TMEM135: variants seen among roughly 807,000 people sequenced by gnomAD.
TMEM135 encodes peroxisomal membrane protein 52.
Under a neutral mutation model 60.3 loss-of-function variants are expected in TMEM135, and 30 were observed. That is an observed-to-expected ratio of 0.50 (90% CI 0.37 to 0.68). The LOEUF is 0.68. Ranked by LOEUF, TMEM135 falls within the 30% of genes least tolerant of loss-of-function variation. The probability of loss-of-function intolerance (pLI) is 0.00; values close to 1 mark genes in which losing one functional copy is unlikely to be tolerated. For missense variants in TMEM135, 468 were observed against 548.8 expected (o/e 0.85, Z 1.47); for synonymous variants, 190 against 186.7 (o/e 1.02, Z -0.14).
intron 4 of TMEM135, among the ~76,000 whole-genome samples, chr11:87,148,079 C>T (rs542546344): frequency 6.6e-6 from 1 of 152,252 alleles, no homozygotes; most frequent in Non-Finnish European, 1.5e-5. Context: ...TAAACAAAGA[C>T]ATTGTAGACA....
intron 4 of TMEM135, among the ~76,000 whole-genome samples, chr11:87,120,585 C>T (rs1858029411): frequency 6.7e-6 from 1 of 148,514 alleles, no homozygotes. Context: ...GATTCTCCTG[C>T]CTCAGCCTCG....
chr11:87,252,806 G>GTGTGTGTGTGTA (rs1941446630), intron 6 of TMEM135, among the ~76,000 whole-genome samples: 1 of 150,468 alleles, frequency 6.6e-6, no homozygotes, highest in Non-Finnish European at 1.5e-5. Flanking sequence ...ATATGTGTGT[G>GTGTGTGTGTGTA]TGTGTGTGTG....
At chr11:87,105,046 C>T (rs190051680) in intron 4 of TMEM135, among the ~76,000 whole-genome samples, 13 of 152,218 alleles carry the variant, frequency 8.5e-5, no homozygotes, top group East Asian at 3.9e-4. Context: ...TGATGTTAGC[C>T]GTGGGCTTGT....
chr11:87,100,334 C>T (rs538745126), intron 4 of TMEM135, among the ~76,000 whole-genome samples: 1 of 152,112 alleles, frequency 6.6e-6, no homozygotes, highest in Non-Finnish European at 1.5e-5. Context: ...CTAAACAGAG[C>T]CATTTATTTA....
chr11:87,249,416 C>G (rs186435919), intron 6 of TMEM135, among the ~76,000 whole-genome samples: 1 of 151,814 alleles, frequency 6.6e-6, no homozygotes, highest in Non-Finnish European at 1.5e-5. Flanking sequence ...TTCAAAAAAA[C>G]CAACTTTTTG....
intron 9 of TMEM135, among the ~76,000 whole-genome samples, chr11:87,307,731 A>C (rs1348957233): frequency 6.6e-6 from 1 of 152,226 alleles, no homozygotes; most frequent in Admixed American, 6.5e-5. Flanking sequence ...TTAAACCATA[A>C]ACATGGTAGT....
chr11:87,131,341 A>AATCCCCTGTGCTCTACCTATTC (rs150087331), intron 4 of TMEM135, among the ~76,000 whole-genome samples: 72,308 of 151,772 alleles, frequency 0.48, 17,495 homozygotes, highest in East Asian at 0.67. Flanking sequence ...CTGCCCTGAA[A>AATCCCCTGTGCTCTACCTATTC]ATCCCTTGCA....
intron 11 of TMEM135, among the ~76,000 whole-genome samples, chr11:87,314,019 C>G (rs1315961631): frequency 6.6e-6 from 1 of 151,740 alleles, no homozygotes; most frequent in Non-Finnish European, 1.5e-5. Flanking sequence ...CTCCCCTGGC[C>G]TTGGTTTTCC....
intron 4 of TMEM135, among the ~76,000 whole-genome samples, chr11:87,115,892 T>A (rs2512495): frequency 0.51 from 76,880 of 151,860 alleles, 19,800 homozygotes; most frequent in East Asian, 0.67. Context: ...TAGTCTTAGA[T>A]ATTTATTAAA....
chr11:87,174,233 C>G (rs1466587044), intron 5 of TMEM135, among the ~76,000 whole-genome samples: 1 of 151,992 alleles, frequency 6.6e-6, no homozygotes, highest in Non-Finnish European at 1.5e-5. Flanking sequence ...GCAATAAGAC[C>G]TCTGATTTAT....
intron 3 of TMEM135, among the ~76,000 whole-genome samples, chr11:87,079,343 C>T (rs1856938781): frequency 2.0e-5 from 3 of 152,166 alleles, no homozygotes; most frequent in Admixed American, 1.3e-4. Context: ...TTAGTTCTTA[C>T]ATTTAAGTCT....
intron 4 of TMEM135, among the ~76,000 whole-genome samples, chr11:87,102,692 GTA>G (rs947250714): frequency 8.9e-5 from 8 of 90,382 alleles, no homozygotes; most frequent in African/African-American, 1.1e-4. Flanking sequence ...ATATGTGTGT[GTA>G]TATATATATG....
intron 4 of TMEM135, among the ~76,000 whole-genome samples, chr11:87,141,734 A>T (rs1938267447): frequency 6.6e-6 from 1 of 152,176 alleles, no homozygotes; most frequent in Admixed American, 6.5e-5. Flanking sequence ...TTCATTCCAT[A>T]GCAGTGTCTA....
intron 5 of TMEM135, among the ~76,000 whole-genome samples, chr11:87,193,219 C>T (rs144577776): frequency 6.6e-6 from 1 of 152,016 alleles, no homozygotes; most frequent in Non-Finnish European, 1.5e-5. Context: ...CAACAAGGTA[C>T]CTGCTCTTGA....
chr11:87,298,960 C>T (rs1477547888), intron 7 of TMEM135, among the ~76,000 whole-genome samples: 20 of 151,716 alleles, frequency 1.3e-4, no homozygotes, highest in African/African-American at 3.1e-4. Flanking sequence ...TGGTGATGGG[C>T]GCCTGTAATC....
chr11:87,109,734 C>T (rs1381821245), intron 4 of TMEM135, among the ~76,000 whole-genome samples: 1 of 152,092 alleles, frequency 6.6e-6, no homozygotes, highest in African/African-American at 2.4e-5. Flanking sequence ...ATCAAAAACC[C>T]TTCAATCATC....
Position 87,038,090 on chromosome 11 carries a change from C to T in TMEM135, c.45C>T (p.Ile15=). The change falls in exon 1 of 15, where the codon ATC becomes ATT. Residue 15 remains isoleucine, a synonymous_variant. Coordinates refer to ENST00000305494, the MANE Select transcript of TMEM135 (RefSeq NM_022918.4). ...CCATCCCTCATAACTGCTATGAGAT[C>T]GGCCACACTTGGCACCCTTCCTGCC... is the stretch of plus-strand genomic sequence containing the variant. ...SKSIPHNCYE[I]GHTWHPSCRV... The T allele has an allele frequency of 6.2e-7, 1 of 1,614,146 alleles. No homozygotes were observed. The highest frequency in any genetic ancestry group is 1.1e-5 in the South Asian group (1 of 91,088).
chr11:87,106,815 A>G (rs75749057), intron 4 of TMEM135, among the ~76,000 whole-genome samples: 3,093 of 152,230 alleles, frequency 0.02, 35 homozygotes, highest in Non-Finnish European at 0.028. Flanking sequence ...TTAATTGGCT[A>G]ATGGTTCTGC....
At position 87,328,647 on chromosome 11, in the gene TMEM135, A is replaced by AT. The variant is rs1942949363; in HGVS notation, c.*7315dup. ...ACTTAGAATAATGGCCTCCAGCTCC[A>AT]TCCAAGATGCTGCAAAAGACATTAT... On this transcript the variant is annotated 3_prime_UTR_variant, in exon 15 of 15. Coordinates refer to ENST00000305494, the MANE Select transcript of TMEM135 (RefSeq NM_022918.4). 1 of 454,008 alleles carries AT rather than the reference A, an allele frequency of 2.2e-6. No individual in the cohort carries two copies. The highest frequency in any genetic ancestry group is 4.4e-6 in the Non-Finnish European group (1 of 226,806). 28.1% of individuals were successfully genotyped at this position (454,008 alleles called of 1,614,324 possible).
Sources: allele counts gnomAD v4.1 joint callset (sites outside exome capture counted in the v4.1 genomes callset), GRCh38; gene constraint gnomAD v4.1.1; transcripts MANE v1.5; gene names NCBI Gene and HGNC (gene_info 2026-07-23, HGNC 2026-07-21).